Variants in STARD9 observed in about 807,000 individuals in gnomAD.
STARD9 encodes stAR-related lipid transfer protein 9.
STARD9 carries 346 observed loss-of-function variants against 399.8 expected under a neutral mutation model. The ratio of observed to expected loss-of-function variants is 0.87; its 90% CI spans 0.79 to 0.95. The LOEUF is 0.95. Ranked by LOEUF, STARD9 falls within the 40% of genes least tolerant of loss-of-function variation. The probability of loss-of-function intolerance (pLI) is 0.00; values close to 1 mark genes in which losing one functional copy is unlikely to be tolerated. For missense variants in STARD9, 5,832 were observed against 5,667.5 expected, an observed-to-expected ratio of 1.03 and a Z score of -0.93; for synonymous variants, 2,203 against 2,143.5, an observed-to-expected ratio of 1.03 and a Z score of -0.77.
intron 7 of STARD9, among the ~76,000 whole-genome samples, chr15:42,646,482 T>G (rs568605181): frequency 7.7e-4 from 118 of 152,360 alleles, no homozygotes; most frequent in African/African-American, 2.6e-3. Flanking sequence ...GAAGCTTCTT[T>G]CCTTAAACCT....
intron 18 of STARD9, 180 bp from the exon 19 acceptor site, chr15:42,675,480 CCTGT>C (rs2060291370): frequency 5.1e-6 from 3 of 583,510 alleles, no homozygotes; most frequent in East Asian, 2.9e-5. Context: ...TAGAGTTCTT[CCTGT>C]CTGTCTTATT....
At chr15:42,661,450 C>CT (rs976629259) in intron 10 of STARD9, among the ~76,000 whole-genome samples, 2 of 151,372 alleles carry the variant, frequency 1.3e-5, no homozygotes, top group African/African-American at 2.4e-5. Context: ...AGGACCTTTT[C>CT]TTTTTTTGAG....
In STARD9 at chr15:42,691,374, G is replaced by C. The variant is rs145869433; in HGVS notation, c.9796G>C (p.Gly3266Arg). 6.5e-7 allele frequency: 1 copy of C among 1,537,036 alleles called. No homozygotes were observed. The highest frequency in any genetic ancestry group is 2.0e-5 in the Admixed American group (1 of 50,976). ...KPPVSKILSQGFKDPATVSLR... is the reference protein window; with the variant it reads ...KPPVSKILSQRFKDPATVSLR... The stretch of plus-strand genomic sequence containing the variant: ...TCCTGTGTCCAAGATTTTATCACAG[G>C]GCTTCAAAGACCCAGCCACTGTGTC... The change falls in exon 23 of 33, where the codon GGC (glycine) becomes CGC (arginine). Residue 3266 changes from glycine to arginine, a missense_variant. Transcript: ENST00000290607.
intron 3 of STARD9, among the ~76,000 whole-genome samples, chr15:42,612,989 G>GAA (rs1437493580): frequency 1.5e-5 from 1 of 68,446 alleles, no homozygotes. Flanking sequence ...GTCTCAGAGG[G>GAA]GAAAAAAAAA....
At position 42,692,739 on chromosome 15, in the gene STARD9, GC is replaced by G; in HGVS notation, c.11164del (p.Leu3722Ter). The G allele has an allele frequency of 6.5e-7, 1 of 1,537,120 alleles. No homozygotes were observed. The highest frequency in any genetic ancestry group is 1.4e-5 in the African/African-American group (1 of 73,128). On this transcript the variant is annotated frameshift_variant, in exon 23 of 33. Transcript: ENST00000290607. LOFTEE classifies it high-confidence loss of function. ...GGACATCCCAGATAAAGCCCCACAGGCCCTGATGATGGATGGCTCTACTCAG... is the reference window on the plus strand; with the variant it reads ...GGACATCCCAGATAAAGCCCCACAGGCCTGATGATGGATGGCTCTACTCAG... Reference protein sequence around the residue: ...KRDIPDKAPQALMMDGSTQTT... With the variant: ...KRDIPDKAPQXLMMDGSTQTT...
rs1193635679 is a variant in STARD9, at chr15:42,662,788, T to C, written c.771-6T>C. 5 of 1,534,838 alleles carry C rather than the reference T, an allele frequency of 3.3e-6. No homozygotes were observed. In the Middle Eastern group the frequency reaches 6.7e-4, roughly 205 times the overall value. On this transcript the variant is annotated splice_polypyrimidine_tract_variant and splice_region_variant and intron_variant, in intron 10 of 32. Transcript: ENST00000290607. ...TTGTTTTTGTTTTTCATTGACTGTG[T>C]TTTAGCGAAAGAGCAGATCCCAGTT... is the stretch of plus-strand genomic sequence containing the variant.
intron 26 of STARD9, among the ~76,000 whole-genome samples, chr15:42,698,996 TTACCAGAGTA>T (rs1295698131): frequency 7.0e-6 from 1 of 142,290 alleles, no homozygotes; most frequent in Non-Finnish European, 1.5e-5. Context: ...CTTTCTGAGT[TTACCAGAGTA>T]TTCTTTCTTG....
Position 42,693,439 on chromosome 15 carries a change from C to G in STARD9, c.11861C>G (p.Thr3954Ser). 6.5e-7 allele frequency: 1 copy of G among 1,537,220 alleles called. No homozygotes were observed. Among genetic ancestry groups the G allele is most frequent in the Non-Finnish European group, 8.7e-7 (1 of 1,146,912 alleles). ...PRTPMDNYSQ[T>S]TDELGGSQRG... ...ACTCCAATGGATAATTATTCCCAAA[C>G]CACTGACGAGTTAGGTGGCTCCCAG... The change falls in exon 23 of 33, where the codon ACC becomes AGC. Residue 3954 changes from threonine to serine, a missense_variant. This residue lies in a region of STARD9 where 5,828 missense variants were observed against 5,651.1 expected (regional missense o/e 1.03). Transcript: ENST00000290607.
At chr15:42,581,727 T>C (rs1280545273) in intron 1 of STARD9, among the ~76,000 whole-genome samples, 2 of 152,088 alleles carry the variant, frequency 1.3e-5, no homozygotes, top group Non-Finnish European at 2.9e-5. Flanking sequence ...ATAGCTTTTT[T>C]TGTTTTTTGT....
Position 42,691,860 on chromosome 15 carries a change from G to C in STARD9, c.10282G>C (p.Gly3428Arg). Residue 3428 changes from glycine (G) to arginine (R), a missense_variant, in exon 23 of 33, where the codon GGT (glycine) becomes CGT (arginine). Physicochemically the swap from Gly to Arg is moderately radical, Grantham distance 125. Around this residue, in one of 2 missense-constraint regions of STARD9, gnomAD observed 5,828 missense variants for 5,651.1 expected, o/e 1.03. Transcript: ENST00000290607. ...TGATTTCACGACCAGCTGGATGTCT[G>C]GTACTTTGGAACAAGCCCAACAGGG... ...TPDFTTSWMSGTLEQAQQGKR... is the reference protein window; with the variant it reads ...TPDFTTSWMSRTLEQAQQGKR... 2.0e-6 allele frequency: 3 copies of C among 1,537,242 alleles called. No homozygotes were observed. Among genetic ancestry groups the C allele is most frequent in the Middle Eastern group, 1.7e-4 (1 of 5,990 alleles).
chr15:42,616,245 A>C (rs940812583), intron 3 of STARD9, among the ~76,000 whole-genome samples: 19 of 152,260 alleles, frequency 1.2e-4, no homozygotes, highest in African/African-American at 4.6e-4. Context: ...AAAGGTTAAT[A>C]ATGGGCAAAA....
intron 26 of STARD9, among the ~76,000 whole-genome samples, chr15:42,711,728 G>A (rs1409901952): frequency 1.3e-5 from 2 of 151,950 alleles, no homozygotes; most frequent in Non-Finnish European, 2.9e-5. Context: ...TTCTTCAGTT[G>A]ATGGACATTT....
At chr15:42,716,558 C>T (rs57460884) in intron 26 of STARD9, 119 bp from the exon 27 acceptor site, 12,210 of 670,592 alleles carry the variant, frequency 0.018, 625 homozygotes, top group African/African-American at 0.13. Context: ...GTATTCCCAT[C>T]TGGGAAGACC....
At position 42,692,254 on chromosome 15, in the gene STARD9, G is replaced by C. The variant is rs972789577; in HGVS notation, c.10676G>C (p.Arg3559Pro). The C allele has an allele frequency of 2.6e-6, 4 of 1,536,906 alleles. No individual in the cohort carries two copies. The East Asian group carries it at 7.3e-5, about 28-fold the overall frequency. ...QGSNEAWEVF[R>P]GSSSIALGDP... ...TCAAATGAGGCCTGGGAAGTATTCC[G>C]AGGGAGTTCTTCAATTGCCTTAGGA... The change falls in exon 23 of 33, where the codon CGA becomes CCA. Residue 3559 changes from arginine (R) to proline (P), a missense_variant. Around this residue, in one of 2 missense-constraint regions of STARD9, gnomAD observed 5,828 missense variants for 5,651.1 expected, o/e 1.03. Coordinates refer to ENST00000290607, the MANE Select transcript of STARD9 (RefSeq NM_020759.3).
At chr15:42,662,388 T>C in intron 10 of STARD9, among the ~76,000 whole-genome samples, 1 of 152,186 alleles carries the variant, frequency 6.6e-6, no homozygotes, top group East Asian at 1.9e-4. Flanking sequence ...ATTTTTAATA[T>C]TTCCCATTTA....
intron 7 of STARD9, among the ~76,000 whole-genome samples, chr15:42,644,273 C>A (rs551458553): frequency 7.4e-4 from 112 of 152,124 alleles, no homozygotes; most frequent in Middle Eastern, 3.2e-3. Context: ...GCAGGCAGAT[C>A]ACAAGGTCAG....
At chr15:42,580,481 A>G (rs2058144092) in intron 1 of STARD9, among the ~76,000 whole-genome samples, 1 of 152,112 alleles carries the variant, frequency 6.6e-6, no homozygotes, top group South Asian at 2.1e-4. Context: ...TTGGTATTTG[A>G]TTTGGAACAA....
chr15:42,601,346 C>A (rs536667812), intron 3 of STARD9, among the ~76,000 whole-genome samples: 5 of 152,206 alleles, frequency 3.3e-5, no homozygotes, highest in African/African-American at 1.2e-4. Flanking sequence ...AAACCGCCAT[C>A]GTCATCATGG....
Position 42,691,246 on chromosome 15 carries a change from G to T in STARD9, c.9668G>T (p.Gly3223Val). ...CACAGAGACCAGGCTTCAGGTGGTGGAGAAGGCTTCGCCCAGGGTGTGAAT... is the reference window on the plus strand; with the variant it reads ...CACAGAGACCAGGCTTCAGGTGGTGTAGAAGGCTTCGCCCAGGGTGTGAAT... ...EQHRDQASGGGEGFAQGVNPL... is the reference protein window; with the variant it reads ...EQHRDQASGGVEGFAQGVNPL... Residue 3223 changes from glycine to valine, a missense_variant, in exon 23 of 33, where the codon GGA becomes GTA. Around this residue, in one of 2 missense-constraint regions of STARD9, gnomAD observed 5,828 missense variants for 5,651.1 expected, o/e 1.03. Transcript: ENST00000290607. 6.5e-7 allele frequency: 1 copy of T among 1,537,266 alleles called. No homozygotes were observed. Among genetic ancestry groups the T allele is most frequent in the South Asian group, 1.2e-5 (1 of 84,060 alleles).
Sources: gnomAD v4.1 joint callset for allele counts (sites outside exome capture counted in the v4.1 genomes callset) on GRCh38, gnomAD v4.1.1 for gene constraint, gnomAD v4.1.1 regional missense constraint, MANE v1.5 for transcripts, NCBI Gene and HGNC (gene_info 2026-07-23, HGNC 2026-07-21) for gene names.